The following HTR1F variants were observed in gnomAD, a reference collection of about 807,000 sequenced individuals.
HTR1F encodes the protein 5-hydroxytryptamine receptor 1F, also known as 5-hydroxytryptamine (serotonin) receptor 1F, G protein-coupled.
HTR1F carries 17 observed loss-of-function variants against 24.0 expected under a neutral mutation model. That is an observed-to-expected ratio of 0.71 (90% CI 0.48 to 1.06). The LOEUF is 1.06. Among genes scored for constraint, HTR1F ranks in the 50% least tolerant of loss-of-function variants. The probability of loss-of-function intolerance (pLI) is 0.00; values close to 1 mark genes in which losing one functional copy is unlikely to be tolerated. For synonymous variants in HTR1F, 186 were observed against 156.8 expected (o/e 1.19, Z -1.39); for missense variants, 391 against 427.8 (o/e 0.91, Z 0.76).
Position 87,991,330 on chromosome 3 carries a change from T to C in HTR1F, c.581T>C (p.Leu194Pro), listed in dbSNP as rs754250380. The change falls in exon 3 of 3, where the codon CTG (leucine) becomes CCG (proline). Residue 194 changes from leucine (L) to proline (P), a missense_variant. Transcript: ENST00000319595. ...YSTFGAFYIPLALILILYYKI... is the reference protein window; with the variant it reads ...YSTFGAFYIPPALILILYYKI... Reference sequence around the variant, plus strand: ...ACATTTGGAGCTTTCTACATCCCACTGGCATTGATTTTGATCCTTTACTAC... The same window carrying C: ...ACATTTGGAGCTTTCTACATCCCACCGGCATTGATTTTGATCCTTTACTAC... 2 of 1,613,978 alleles carry C rather than the reference T, an allele frequency of 1.2e-6. No homozygotes were observed. The highest frequency in any genetic ancestry group is 1.7e-5 in the Admixed American group (1 of 60,016).
At chr3:87,980,763 A>T (rs1705523359) in intron 2 of HTR1F, among the ~76,000 whole-genome samples, 3 of 152,180 alleles carry the variant, frequency 2.0e-5, no homozygotes. Context: ...CAAAGTCCAG[A>T]GGATGCCAAG....
intron 2 of HTR1F, among the ~76,000 whole-genome samples, chr3:87,877,471 T>C (rs192065259): frequency 6.6e-6 from 1 of 152,200 alleles, no homozygotes; most frequent in East Asian, 1.9e-4. Context: ...ACATGAGAAA[T>C]TACTTAAGAA....
At chr3:87,876,243 C>T (rs1705670628) in intron 2 of HTR1F, among the ~76,000 whole-genome samples, 1 of 152,128 alleles carries the variant, frequency 6.6e-6, no homozygotes, top group Non-Finnish European at 1.5e-5. Context: ...CCAGCAATAC[C>T]ACTTCTGGGT....
intron 2 of HTR1F, among the ~76,000 whole-genome samples, chr3:87,948,362 T>A (rs1322468850): frequency 6.6e-6 from 1 of 152,236 alleles, no homozygotes; most frequent in Non-Finnish European, 1.5e-5. Context: ...TTTTATTGTA[T>A]CTAAAAATGT....
At chr3:87,885,368 T>C (rs1705912126) in intron 2 of HTR1F, among the ~76,000 whole-genome samples, 1 of 152,106 alleles carries the variant, frequency 6.6e-6, no homozygotes, top group African/African-American at 2.4e-5. Flanking sequence ...TTTATAGCAC[T>C]AAATGCCCAC....
At chr3:87,985,210 C>T (rs931553460) in intron 2 of HTR1F, among the ~76,000 whole-genome samples, 3 of 152,036 alleles carry the variant, frequency 2.0e-5, no homozygotes, top group African/African-American at 7.2e-5. Context: ...TGGCGCATGC[C>T]TGTAATCCCA....
intron 2 of HTR1F, among the ~76,000 whole-genome samples, chr3:87,979,745 G>A (rs1705500274): frequency 6.6e-6 from 1 of 152,204 alleles, no homozygotes; most frequent in African/African-American, 2.4e-5. Flanking sequence ...GGAGCAGCAA[G>A]GGGTGCATGA....
chr3:87,937,259 C>T (rs75640997), intron 2 of HTR1F, among the ~76,000 whole-genome samples: 1,827 of 152,094 alleles, frequency 0.012, 34 homozygotes, highest in African/African-American at 0.041. Flanking sequence ...AATCCAGCAA[C>T]ACATTAAACA....
intron 2 of HTR1F, among the ~76,000 whole-genome samples, chr3:87,968,121 T>G (rs1171890225): frequency 1.3e-5 from 2 of 152,202 alleles, no homozygotes; most frequent in Non-Finnish European, 2.9e-5. Context: ...CTTGCTATGT[T>G]TTAACAAAGA....
intron 2 of HTR1F, among the ~76,000 whole-genome samples, chr3:87,978,249 G>A (rs567760716): frequency 8.5e-5 from 13 of 152,270 alleles, no homozygotes; most frequent in Middle Eastern, 3.4e-3. Flanking sequence ...GTGTCATCTC[G>A]AGTGCACCAC....
chr3:87,956,642 C>A (rs1704949908), intron 2 of HTR1F, among the ~76,000 whole-genome samples: 2 of 151,130 alleles, frequency 1.3e-5, no homozygotes, highest in South Asian at 4.1e-4. Context: ...TTATTTAGGT[C>A]TTCTTTAAAT....
chr3:87,825,472 A>G (rs1464152209), intron 2 of HTR1F, among the ~76,000 whole-genome samples: 3 of 152,050 alleles, frequency 2.0e-5, no homozygotes. Context: ...CCCCTTCTAT[A>G]TTCTGTATGT....
At chr3:87,840,013 G>A (rs115805977) in intron 2 of HTR1F, among the ~76,000 whole-genome samples, 187 of 152,170 alleles carry the variant, frequency 1.2e-3, no homozygotes, top group African/African-American at 4.4e-3. Flanking sequence ...ACCACCGATG[G>A]ACAGATGGAA....
chr3:87,809,118 G>T (rs1446886976), intron 1 of HTR1F, among the ~76,000 whole-genome samples: 3 of 151,482 alleles, frequency 2.0e-5, no homozygotes, highest in Admixed American at 2.0e-4. Flanking sequence ...TATATGAATA[G>T]ATTTTTATTT....
At chr3:87,919,782 A>G (rs1255978382) in intron 2 of HTR1F, among the ~76,000 whole-genome samples, 1 of 152,002 alleles carries the variant, frequency 6.6e-6, no homozygotes, top group Non-Finnish European at 1.5e-5. Flanking sequence ...AATATAAACT[A>G]TTACAACCAC....
At chr3:87,828,767 G>T (rs747069831) in intron 2 of HTR1F, among the ~76,000 whole-genome samples, 1 of 152,020 alleles carries the variant, frequency 6.6e-6, no homozygotes, top group African/African-American at 2.4e-5. Flanking sequence ...AACATTTTTT[G>T]AGTGCATAGA....
chr3:87,834,259 A>C (rs559582081), intron 2 of HTR1F, among the ~76,000 whole-genome samples: 1 of 152,208 alleles, frequency 6.6e-6, no homozygotes, highest in Admixed American at 6.5e-5. Flanking sequence ...ATGTATATAT[A>C]CACATAAGGT....
intron 2 of HTR1F, among the ~76,000 whole-genome samples, chr3:87,894,735 G>A (rs1706162945): frequency 6.6e-6 from 1 of 151,924 alleles, no homozygotes; most frequent in East Asian, 1.9e-4. Context: ...AGATAACTTA[G>A]TCTCCTTATA....
chr3:87,984,933 C>T (rs1387940986), intron 2 of HTR1F, among the ~76,000 whole-genome samples: 1 of 152,140 alleles, frequency 6.6e-6, no homozygotes, highest in Admixed American at 6.5e-5. Flanking sequence ...CTGTTATAAT[C>T]AACACATGTA....
Sources: allele counts gnomAD v4.1 joint callset (sites outside exome capture counted in the v4.1 genomes callset), GRCh38; gene constraint gnomAD v4.1.1; transcripts MANE v1.5; gene names NCBI Gene and HGNC (gene_info 2026-07-23, HGNC 2026-07-21).